ARMH3: variants seen among roughly 807,000 people sequenced by gnomAD.
ARMH3 encodes armadillo like helical domain containing 3, also known as armadillo-like helical domain-containing protein 3.
A neutral mutation model predicts 99.1 loss-of-function variants in ARMH3; 60 were observed. The observed-to-expected ratio is 0.61, with a 90% CI of 0.49 to 0.75. ARMH3 has a LOEUF of 0.75. Ranked by LOEUF, ARMH3 falls within the 30% of genes least tolerant of loss-of-function variation. The pLI is 0.00. For missense variants in ARMH3, 679 were observed against 843.1 expected (o/e 0.81, Z 2.41); for synonymous variants, 285 against 292.8 (o/e 0.97, Z 0.27).
At chr10:101,903,646 C>G (rs757647482) in intron 23 of ARMH3, among the ~76,000 whole-genome samples, 3 of 152,062 alleles carry the variant, frequency 2.0e-5, no homozygotes, top group Admixed American at 6.6e-5. Context: ...AGACTGATAC[C>G]GAACTTTTAC....
At chr10:101,869,669 TA>T (rs1265049349) in intron 24 of ARMH3, among the ~76,000 whole-genome samples, 1 of 152,156 alleles carries the variant, frequency 6.6e-6, no homozygotes, top group Non-Finnish European at 1.5e-5. Flanking sequence ...CTTATGAAAT[TA>T]GAAAGAGAGC....
intron 24 of ARMH3, among the ~76,000 whole-genome samples, chr10:101,851,506 A>AGGGGGTT (rs2066600166): frequency 6.6e-6 from 1 of 152,104 alleles, no homozygotes; most frequent in South Asian, 2.1e-4. Context: ...CTCTGACAGA[A>AGGGGGTT]GGGGGTTGGG....
chr10:101,974,783 C>T (rs986416540), intron 20 of ARMH3, among the ~76,000 whole-genome samples: 8 of 152,068 alleles, frequency 5.3e-5, no homozygotes, highest in Non-Finnish European at 7.4e-5. Context: ...CCCATCCCTC[C>T]ATCTCTCCCT....
At chr10:102,014,075 C>T (rs1218608536) in intron 8 of ARMH3, 51 bp from the exon 9 acceptor site, 2 of 1,425,070 alleles carry the variant, frequency 1.4e-6, no homozygotes, top group African/African-American at 1.4e-5. Context: ...GTTAAGAAAG[C>T]CCGTTAGCTA....
intron 22 of ARMH3, among the ~76,000 whole-genome samples, chr10:101,942,084 C>T (rs534730168): frequency 6.6e-6 from 1 of 152,254 alleles, no homozygotes; most frequent in African/African-American, 2.4e-5. Context: ...CACTACATTT[C>T]CTTTGGAAAC....
intron 24 of ARMH3, among the ~76,000 whole-genome samples, chr10:101,865,870 G>A (rs577635131): frequency 6.6e-6 from 1 of 152,148 alleles, no homozygotes; most frequent in African/African-American, 2.4e-5. Context: ...GCCCTGTGAC[G>A]CTAATCATCT....
At chr10:101,865,436 A>G (rs1221668544) in intron 24 of ARMH3, among the ~76,000 whole-genome samples, 1 of 152,160 alleles carries the variant, frequency 6.6e-6, no homozygotes, top group East Asian at 1.9e-4. Context: ...GTAAAGAGGC[A>G]GTATTAAATT....
At chr10:101,872,738 A>G (rs1054560997) in intron 24 of ARMH3, among the ~76,000 whole-genome samples, 3 of 152,116 alleles carry the variant, frequency 2.0e-5, no homozygotes, top group Non-Finnish European at 4.4e-5. Context: ...CAGGTGGATC[A>G]TCTGAGGTCA....
At chr10:102,026,410 T>C (rs1023682760) in intron 5 of ARMH3, among the ~76,000 whole-genome samples, 2 of 152,054 alleles carry the variant, frequency 1.3e-5, no homozygotes, top group East Asian at 1.9e-4. Context: ...AAGCCAACAG[T>C]TTCAATTCAG....
intron 22 of ARMH3, among the ~76,000 whole-genome samples, chr10:101,946,900 C>T (rs531366771): frequency 6.6e-6 from 1 of 151,874 alleles, no homozygotes; most frequent in Non-Finnish European, 1.5e-5. Flanking sequence ...AAAAAAAAAC[C>T]TTTTAAGAAG....
intron 19 of ARMH3, among the ~76,000 whole-genome samples, chr10:101,983,922 G>A (rs1001846784): frequency 1.3e-5 from 2 of 152,166 alleles, no homozygotes; most frequent in Non-Finnish European, 2.9e-5. Context: ...AGAAACACAG[G>A]CAAAATAACC....
At chr10:101,929,301 T>G (rs973318941) in intron 23 of ARMH3, among the ~76,000 whole-genome samples, 1 of 152,232 alleles carries the variant, frequency 6.6e-6, no homozygotes, top group Non-Finnish European at 1.5e-5. Flanking sequence ...GAAATAGCTG[T>G]GGGCTATTAG....
At chr10:101,927,176 C>T (rs1843541166) in intron 23 of ARMH3, among the ~76,000 whole-genome samples, 1 of 151,876 alleles carries the variant, frequency 6.6e-6, no homozygotes, top group Non-Finnish European at 1.5e-5. Context: ...CTTCAGACAC[C>T]CATAAAAAGT....
chr10:101,884,437 G>A (rs945186660), intron 24 of ARMH3, among the ~76,000 whole-genome samples: 3 of 152,076 alleles, frequency 2.0e-5, no homozygotes, highest in South Asian at 2.1e-4. Context: ...GGGGACAAGG[G>A]GCCTGAAGGA....
chr10:101,899,945 C>T (rs1463876429), intron 23 of ARMH3, among the ~76,000 whole-genome samples: 12 of 152,026 alleles, frequency 7.9e-5, no homozygotes, highest in Admixed American at 7.9e-4. Flanking sequence ...ACCCAATGAT[C>T]CAATGTAAAT....
chr10:102,007,732 C>T (rs1179101556), intron 13 of ARMH3, among the ~76,000 whole-genome samples: 5 of 143,398 alleles, frequency 3.5e-5, no homozygotes, highest in African/African-American at 1.3e-4. Context: ...ACTCGGGAGG[C>T]TGAGGCAGGA....
chr10:101,910,289 A>G (rs1286333614), intron 23 of ARMH3, among the ~76,000 whole-genome samples: 1 of 152,236 alleles, frequency 6.6e-6, no homozygotes, highest in Non-Finnish European at 1.5e-5. Context: ...TCCAACACCT[A>G]TGGTCTGATA....
In ARMH3 at chr10:101,848,983, T is replaced by G. The variant is rs116710171; in HGVS notation, c.1977+793A>C. Among the ~76,000 whole-genome samples the G allele has an allele frequency of 5.9e-3, 903 of 152,332 alleles. 9 individuals carry two copies. The highest frequency in any genetic ancestry group is 0.021 in the African/African-American group (859 of 41,562). ...TCATGTCAGGATCAGAGTTGGGCTGTGTTTAGCACAAGACAAACGATCTAA... is the reference window on the plus strand; with the variant it reads ...TCATGTCAGGATCAGAGTTGGGCTGGGTTTAGCACAAGACAAACGATCTAA... On this transcript the variant is annotated intron_variant, in intron 25 of 25. Transcript: ENST00000370033.
chr10:101,954,938 T>C (rs1256925308), intron 22 of ARMH3, among the ~76,000 whole-genome samples: 3 of 152,154 alleles, frequency 2.0e-5, no homozygotes. Flanking sequence ...GTTGAGCAGG[T>C]ATGTCAGACT....
Sources: gnomAD v4.1 joint callset for allele counts (sites outside exome capture counted in the v4.1 genomes callset) on GRCh38, gnomAD v4.1.1 for gene constraint, MANE v1.5 for transcripts, NCBI Gene and HGNC (gene_info 2026-07-23, HGNC 2026-07-21) for gene names.